Variants in FRMPD4 observed in about 807,000 individuals in gnomAD.
FRMPD4 encodes FERM and PDZ domain-containing protein 4.
FRMPD4 carries 22 observed loss-of-function variants against 94.1 expected under a neutral mutation model. That is an observed-to-expected ratio of 0.23 (90% confidence interval 0.17 to 0.33). The LOEUF (loss-of-function observed/expected upper bound fraction) is 0.33, where lower values mean the gene tolerates loss of function less well. Ranked by LOEUF, FRMPD4 falls within the 10% of genes least tolerant of loss-of-function variation. The pLI, the probability that FRMPD4 is intolerant of heterozygous loss-of-function variation, is 1.00. For missense variants in FRMPD4, 1,111 were observed against 1,339.9 expected, an observed-to-expected ratio of 0.83 and a Z score of 2.67; for synonymous variants, 631 against 548.6, an observed-to-expected ratio of 1.15 and a Z score of -2.10.
intron 3 of FRMPD4, among the ~76,000 whole-genome samples, chrX:11,956,422 A>C (rs1165721279): frequency 8.9e-6 from 1 of 112,006 alleles, no homozygotes; most frequent in Non-Finnish European, 1.9e-5. Flanking sequence ...TCTTTAGAGA[A>C]CATTTTCTAT....
At chrX:12,647,586 G>A (rs2059559792) in intron 4 of FRMPD4, among the ~76,000 whole-genome samples, 1 of 111,750 alleles carries the variant, frequency 8.9e-6, no homozygotes, top group Admixed American at 9.5e-5. Flanking sequence ...TCAATTGTCT[G>A]CTGTAACTCC....
chrX:12,186,627 T>C (rs2056428798), intron 1 of FRMPD4, among the ~76,000 whole-genome samples: 1 of 111,816 alleles, frequency 8.9e-6, no homozygotes. Context: ...ATACCAAGGT[T>C]CAAATGTGCC....
chrX:12,581,078 C>T (rs977499465), intron 2 of FRMPD4, among the ~76,000 whole-genome samples: 4 of 112,536 alleles, frequency 3.6e-5, no homozygotes, highest in African/African-American at 1.3e-4. Context: ...CTGAACCACA[C>T]GTGTGCAAGC....
At chrX:12,134,418 T>C (rs962218062), upstream of FRMPD4, among the ~76,000 whole-genome samples, 1 of 112,320 alleles carries the variant, frequency 8.9e-6, no homozygotes, top group Non-Finnish European at 1.9e-5. Flanking sequence ...TCCATAAATA[T>C]TTGCTGATTG....
At position 12,717,064 on chromosome X, in the gene FRMPD4, G is replaced by A. The variant is rs146534723; in HGVS notation, c.2605G>A (p.Val869Ile). 3.7e-5 allele frequency: 45 copies of A among 1,205,876 alleles called. No individual in the cohort carries two copies. The highest frequency in any genetic ancestry group is 4.7e-5 in the Non-Finnish European group (42 of 891,370). The change falls in exon 15 of 17, where the codon GTC becomes ATC. Residue 869 changes from valine (V) to isoleucine (I), a missense_variant. Coordinates refer to ENST00000675598, the MANE Select transcript of FRMPD4 (RefSeq NM_001368397.1). The part of the protein sequence containing the change: ...GKCEKGLDNA[V>I]VSTLGALEAL... ...GTGTGAGAAGGGACTGGATAATGCC[G>A]TCGTCTCCACGCTGGGAGCTCTAGA...
In FRMPD4 at chrX:12,196,101, G is replaced by T. The variant is rs1236731093; in HGVS notation, c.41+57089G>T. On this transcript the variant is annotated intron_variant, in intron 1 of 16. Coordinates refer to ENST00000675598, the MANE Select transcript of FRMPD4 (RefSeq NM_001368397.1). ...TCTCATCATCTGAGCAAGAATTTTG[G>T]CATGCTATCCACAATAATCTTGAAA... 2.7e-5 allele frequency among the ~76,000 whole-genome samples: 3 copies of T among 111,984 alleles called. No individual in the cohort carries two copies. The East Asian group carries it at 8.4e-4, about 32-fold the overall frequency.
chrX:12,690,141 C>G, intron 7 of FRMPD4, 54 bp from the exon 8 acceptor site: 3 of 1,084,702 alleles, frequency 2.8e-6, no homozygotes. Flanking sequence ...TGGTAGACTC[C>G]ACAAGATGGC....
At chrX:12,216,418 A>T in intron 1 of FRMPD4, among the ~76,000 whole-genome samples, 1 of 111,853 alleles carries the variant, frequency 8.9e-6, no homozygotes, top group Non-Finnish European at 1.9e-5. Context: ...TAGCCCCAGA[A>T]ATCACGCACC....
At chrX:12,675,745 T>G (rs1465231955) in intron 5 of FRMPD4, among the ~76,000 whole-genome samples, 2 of 111,854 alleles carry the variant, frequency 1.8e-5, no homozygotes, top group Middle Eastern at 4.2e-3. Flanking sequence ...CCCAAAATGG[T>G]TCCTGTCAGT....
At chrX:12,486,207 C>G (rs1156809107) in intron 1 of FRMPD4, among the ~76,000 whole-genome samples, 5 of 111,354 alleles carry the variant, frequency 4.5e-5, no homozygotes, top group Non-Finnish European at 9.4e-5. Context: ...AGTCAGCATC[C>G]ACTCCTTACC....
intron 3 of FRMPD4, among the ~76,000 whole-genome samples, chrX:11,930,418 T>C: frequency 9.0e-6 from 1 of 110,920 alleles, no homozygotes; most frequent in Admixed American, 9.7e-5. Flanking sequence ...TCCAGTGACA[T>C]GTGCCCTTAT....
intron 1 of FRMPD4, among the ~76,000 whole-genome samples, chrX:12,309,342 A>G (rs2054994412): frequency 1.0e-5 from 1 of 100,197 alleles, no homozygotes; most frequent in African/African-American, 3.6e-5. Context: ...TAAAATTTAA[A>G]CCACTGATAG....
At chrX:12,213,589 T>C (rs1216597047) in intron 1 of FRMPD4, among the ~76,000 whole-genome samples, 1 of 112,305 alleles carries the variant, frequency 8.9e-6, no homozygotes, top group Non-Finnish European at 1.9e-5. Context: ...GGACATTTAA[T>C]CATTTTTGCC....
At chrX:12,207,202 A>G (rs1255921180) in intron 1 of FRMPD4, among the ~76,000 whole-genome samples, 1 of 112,099 alleles carries the variant, frequency 8.9e-6, no homozygotes, top group Non-Finnish European at 1.9e-5. Flanking sequence ...ATATGCAGAG[A>G]TAAAACAATT....
At chrX:12,595,366 G>T (rs1293695438) in intron 2 of FRMPD4, among the ~76,000 whole-genome samples, 1 of 111,294 alleles carries the variant, frequency 9.0e-6, no homozygotes, top group Admixed American at 9.6e-5. Context: ...CCTTTAAATG[G>T]AATTAAATGA....
rs779279005 is a variant in FRMPD4, at chrX:12,043,830, TC to T, written c.95+165813del. On this transcript the variant is annotated intron_variant, in intron 3 of 18. Coordinates refer to the FRMPD4 transcript ENST00000640291. ...CTTATTTAGCAAAATTATTTTTTTT[TC>T]ACTGCATGTTATTCTCTAGCATTTT... Among the ~76,000 whole-genome samples, 20 of 112,066 alleles carry T rather than the reference TC, an allele frequency of 1.8e-4. No homozygotes were observed. In the South Asian group the frequency reaches 6.7e-3, roughly 38 times the overall value.
chrX:12,485,824 G>A (rs898198230), intron 1 of FRMPD4, among the ~76,000 whole-genome samples: 227 of 110,133 alleles, frequency 2.1e-3, no homozygotes, highest in African/African-American at 7.0e-3. Context: ...CATGAGAATC[G>A]CTTGAACCCA....
At chrX:12,533,073 C>T (rs1225461054) in intron 2 of FRMPD4, among the ~76,000 whole-genome samples, 1 of 111,639 alleles carries the variant, frequency 9.0e-6, no homozygotes, top group Non-Finnish European at 1.9e-5. Context: ...GTGTCCACAC[C>T]CAGATCTCAT....
intron 1 of FRMPD4, among the ~76,000 whole-genome samples, chrX:12,494,094 A>T (rs1047842839): frequency 8.9e-6 from 1 of 112,327 alleles, no homozygotes. Flanking sequence ...GCTTGGTTTT[A>T]TGTTTTATTC....
Sources: allele counts gnomAD v4.1 joint callset (sites outside exome capture counted in the v4.1 genomes callset), GRCh38; gene constraint gnomAD v4.1.1; transcripts MANE v1.5; gene names NCBI Gene and HGNC (gene_info 2026-07-23, HGNC 2026-07-21).